The following GCHFR variants were observed in gnomAD, a reference collection of about 807,000 sequenced individuals.
GCHFR encodes the protein GTP cyclohydrolase I feedback regulator, also known as GTP cyclohydrolase 1 feedback regulatory protein.
Under a neutral mutation model 10.6 loss-of-function variants are expected in GCHFR, and 12 were observed. The observed-to-expected ratio is 1.13, with a 90% CI of 0.72 to 1.83. GCHFR has a LOEUF of 1.83. GCHFR is among the 40% of genes most tolerant of loss of function. The pLI is 0.00. For missense variants in GCHFR, 116 were observed against 110.6 expected (o/e 1.05, Z -0.22); for synonymous variants, 54 against 43.7 (o/e 1.24, Z -0.93).
intron 1 of GCHFR, 71 bp from the exon 2 acceptor site, chr15:40,765,756 A>C (rs901791482): frequency 1.2e-5 from 8 of 661,688 alleles, no homozygotes; most frequent in African/African-American, 3.6e-5. Flanking sequence ...CAGGCAGGGG[A>C]GGAAGGACAG....
Position 40,764,140 on chromosome 15 carries a change from C to T in GCHFR, c.-41C>T, listed in dbSNP as rs755907377. 1.3e-6 allele frequency: 2 copies of T among 1,534,630 alleles called. No homozygotes were observed. The highest frequency in any genetic ancestry group is 1.8e-6 in the Non-Finnish European group (2 of 1,141,350). ...GAGAAGGGCTGGAGTCGGCGTCCAG[C>T]CTAGAGCCCCCGGTGGGAGCCAGGC... On this transcript the variant is annotated 5_prime_UTR_variant, in exon 1 of 3. Transcript: ENST00000260447.
At position 40,764,112 on chromosome 15, in the gene GCHFR, C is replaced by A; in HGVS notation, c.-69C>A. On this transcript the variant is annotated 5_prime_UTR_variant, in exon 1 of 3. Transcript: ENST00000260447. ...TCCCAGCTGCGCGTCGCAGTCCCGA[C>A]GCGAGAAGGGCTGGAGTCGGCGTCC... is the stretch of plus-strand genomic sequence containing the variant. 6.9e-7 allele frequency: 1 copy of A among 1,456,682 alleles called. No homozygotes were observed. The highest frequency in any genetic ancestry group is 9.3e-7 in the Non-Finnish European group (1 of 1,080,694). The allele number at this position is 1,456,682 out of a possible 1,614,324, so 90.2% of individuals were successfully genotyped here.
At position 40,764,217 on chromosome 15, in the gene GCHFR, G is replaced by C; in HGVS notation, c.36+1G>C. ...GCTCATCAGCACCCAGATCCGCATG[G>C]TGAGTACCGGCCGCCTGGCGACTTG... On this transcript the variant is annotated splice_donor_variant, in intron 1 of 2. Transcript: ENST00000260447. LOFTEE classifies it high-confidence loss of function. 2 of 1,555,068 alleles carry C rather than the reference G, an allele frequency of 1.3e-6. No individual in the cohort carries two copies. Among genetic ancestry groups the C allele is most frequent in the Non-Finnish European group, 1.7e-6 (2 of 1,150,264 alleles).
intron 1 of GCHFR, 162 bp from the exon 2 acceptor site, chr15:40,765,665 C>T (rs544972094): frequency 8.2e-5 from 34 of 412,266 alleles, no homozygotes; most frequent in African/African-American, 4.9e-4. Flanking sequence ...TGATGGGCTC[C>T]ACCCCTTCAC....
chr15:40,766,011 G>A, intron 2 of GCHFR, 90 bp downstream of exon 2: 2 of 581,636 alleles, frequency 3.4e-6, no homozygotes, highest in Middle Eastern at 5.5e-4. Context: ...CCAGGGACAG[G>A]GCCCAGCATC....
At chr15:40,766,211 C>T in intron 2 of GCHFR, 1 of 243,904 alleles carries the variant, frequency 4.1e-6, no homozygotes, top group Non-Finnish European at 7.8e-6. Flanking sequence ...TTGCCCTGCC[C>T]TCTCCTAAGC....
intron 2 of GCHFR, chr15:40,766,433 AC>A (rs1233364806): frequency 2.0e-5 from 3 of 151,920 alleles, no homozygotes; most frequent in Non-Finnish European, 4.4e-5. Flanking sequence ...TCCTCCTCTC[AC>A]CCCTGGAGGC....
chr15:40,767,381 C>G lies in GCHFR; in HGVS notation c.*32C>G. 1 of 1,574,624 alleles carries G rather than the reference C, an allele frequency of 6.4e-7. No individual in the cohort carries two copies. The highest frequency in any genetic ancestry group is 8.6e-7 in the Non-Finnish European group (1 of 1,161,728). Reference sequence around the variant, plus strand: ...CATGCTGATTTGCAGACGGGGCACCCCTGTGGAGGGGCTGCTGTGGGCCCT... The same window carrying G: ...CATGCTGATTTGCAGACGGGGCACCGCTGTGGAGGGGCTGCTGTGGGCCCT... On this transcript the variant is annotated 3_prime_UTR_variant, in exon 3 of 3. Transcript: ENST00000260447.
intron 1 of GCHFR, 113 bp downstream of exon 1, chr15:40,764,329 C>A: frequency 1.2e-6 from 1 of 828,506 alleles, no homozygotes; most frequent in South Asian, 2.3e-5. Flanking sequence ...ACCGGGAACC[C>A]GCCCAGACAC....
At position 40,767,429 on chromosome 15, in the gene GCHFR, C is replaced by G. The variant is rs1888975500; in HGVS notation, c.*80C>G. The G allele has an allele frequency of 6.9e-7, 1 of 1,442,206 alleles. No homozygotes were observed. Among genetic ancestry groups the G allele is most frequent in the South Asian group, 1.4e-5 (1 of 73,992 alleles). The allele number at this position is 1,442,206 out of a possible 1,614,324, so 89.3% of individuals were successfully genotyped here. ...CCTGACCTCCAAGCTCCTGCCTCAC[C>G]GTCTGCCTTGCTCCTCTCTTCCCAA... On this transcript the variant is annotated 3_prime_UTR_variant, in exon 3 of 3. Transcript: ENST00000260447.
chr15:40,767,589 G>A lies in GCHFR; in HGVS notation c.*240G>A, dbSNP rs927421933. Reference sequence around the variant, plus strand: ...CCCTCCTGCTTCGGGCCTGGGCCGAGGGCCTTGTGTAGGCCATGTTCCTCG... The same window carrying A: ...CCCTCCTGCTTCGGGCCTGGGCCGAAGGCCTTGTGTAGGCCATGTTCCTCG... On this transcript the variant is annotated 3_prime_UTR_variant, in exon 3 of 3. Transcript: ENST00000260447. The A allele has an allele frequency of 2.9e-5, 17 of 595,884 alleles. No homozygotes were observed. The South Asian group carries it at 4.0e-4, about 14-fold the overall frequency. The allele number at this position is 595,884 out of a possible 1,614,324, so 36.9% of individuals were successfully genotyped here.
Position 40,767,704 on chromosome 15 carries a change from G to A in GCHFR, c.*355G>A, listed in dbSNP as rs1157472282. 1.6e-5 allele frequency: 10 copies of A among 634,494 alleles called. No homozygotes were observed. Among genetic ancestry groups the A allele is most frequent in the Non-Finnish European group, 2.3e-5 (9 of 383,208 alleles). 39.3% of individuals were successfully genotyped at this position (634,494 alleles called of 1,614,324 possible). A position where few individuals can be genotyped will look rare whatever the true frequency, so the allele number is the denominator to read the frequency against. ...GCCCAAGCCAATAAAGGGCTGTGAT[G>A]AGTGGCTGCGCCTGTGCTCTGCTTG... On this transcript the variant is annotated 3_prime_UTR_variant, in exon 3 of 3. Coordinates refer to ENST00000260447, the MANE Select transcript of GCHFR (RefSeq NM_005258.3).
In GCHFR at chr15:40,766,828, G is replaced by A. The variant is rs553711617; in HGVS notation, c.132-398G>A. Reference sequence around the variant, plus strand: ...GTCTCTGTCGCCCAGGCTGGAGTGCGGTGGTGCAATCATGGCTCACTGCAG... The same window carrying A: ...GTCTCTGTCGCCCAGGCTGGAGTGCAGTGGTGCAATCATGGCTCACTGCAG... On this transcript the variant is annotated intron_variant, in intron 2 of 2. Coordinates refer to ENST00000260447, the MANE Select transcript of GCHFR (RefSeq NM_005258.3). The A allele has an allele frequency of 3.0e-3, 470 of 157,306 alleles. 1 individual carries two copies. Among genetic ancestry groups the A allele is most frequent in the Non-Finnish European group, 4.4e-3 (313 of 71,582 alleles). The allele number at this position is 157,306 out of a possible 1,614,324, so 9.7% of individuals were successfully genotyped here.
Position 40,767,264 on chromosome 15 carries a change from T to G in GCHFR, c.170T>G (p.Leu57Arg). The change falls in exon 3 of 3, where the codon CTG (leucine) becomes CGG (arginine). Residue 57 changes from leucine to arginine, a missense_variant. By Grantham distance (102) the Leu-to-Arg change is moderately radical (BLOSUM62 -2). Coordinates refer to ENST00000260447, the MANE Select transcript of GCHFR (RefSeq NM_005258.3). The stretch of plus-strand genomic sequence containing the variant: ...GTCGATGACCCTCCCCGCATAGTCC[T>G]GGACAAGCTGGAACGCAGGGGCTTC... The part of the protein sequence containing the change: ...YYVDDPPRIV[L>R]DKLERRGFRV... 6.2e-7 allele frequency: 1 copy of G among 1,604,080 alleles called. No homozygotes were observed. The highest frequency in any genetic ancestry group is 1.3e-5 in the African/African-American group (1 of 74,412).
chr15:40,764,685 G>C (rs1274346482), intron 1 of GCHFR: 1 of 157,494 alleles, frequency 6.3e-6, no homozygotes, highest in Non-Finnish European at 1.4e-5. Context: ...GCAACTAGCT[G>C]CACCCTTAGG....
chr15:40,764,305 C>A, intron 1 of GCHFR, 89 bp downstream of exon 1: 1 of 1,211,758 alleles, frequency 8.3e-7, no homozygotes, highest in Non-Finnish European at 1.1e-6. Flanking sequence ...TGGGCTGCAC[C>A]CACCGGGGAC....
rs573965855 is a variant in GCHFR at position 40,764,151 on chromosome 15, C to T, written c.-30C>T. Reference sequence around the variant, plus strand: ...GAGTCGGCGTCCAGCCTAGAGCCCCCGGTGGGAGCCAGGCCGGGACGCGTG... The same window carrying T: ...GAGTCGGCGTCCAGCCTAGAGCCCCTGGTGGGAGCCAGGCCGGGACGCGTG... On this transcript the variant is annotated 5_prime_UTR_variant, in exon 1 of 3. Transcript: ENST00000260447. The T allele has an allele frequency of 4.8e-5, 74 of 1,541,736 alleles. 2 individuals carry two copies. In the South Asian group the frequency reaches 8.5e-4, roughly 18 times the overall value.
chr15:40,767,443 C>T lies in GCHFR; in HGVS notation c.*94C>T, dbSNP rs1442318303. 1.5e-6 allele frequency: 2 copies of T among 1,378,686 alleles called. No homozygotes were observed. The highest frequency in any genetic ancestry group is 1.9e-6 in the Non-Finnish European group (2 of 1,026,568). The allele number at this position is 1,378,686 out of a possible 1,614,324, so 85.4% of individuals were successfully genotyped here. ...TCCTGCCTCACCGTCTGCCTTGCTC[C>T]TCTCTTCCCAAATCATCACCGCCAT... On this transcript the variant is annotated 3_prime_UTR_variant, in exon 3 of 3. Transcript: ENST00000260447.
At chr15:40,766,401 A>C (rs1215351443) in intron 2 of GCHFR, 1 of 152,450 alleles carries the variant, frequency 6.6e-6, no homozygotes, top group Admixed American at 6.5e-5. Context: ...CTCCATGTCT[A>C]AACTGTGACT....
Sources: gnomAD v4.1 joint callset for allele counts on GRCh38, gnomAD v4.1.1 for gene constraint, MANE v1.5 for transcripts, NCBI Gene and HGNC (gene_info 2026-07-23, HGNC 2026-07-21) for gene names.